Variants in UXS1 observed in about 807,000 individuals in gnomAD.
UXS1 encodes UDP-glucuronate decarboxylase 1.
In UXS1, 33 loss-of-function variants were observed where a neutral mutation model predicts 62.6. The observed-to-expected ratio is 0.53, with a 90% confidence interval of 0.40 to 0.70. The LOEUF (loss-of-function observed/expected upper bound fraction) is 0.70. Ranked by LOEUF, UXS1 falls within the 30% of genes least tolerant of loss-of-function variation. The pLI is 0.00. For missense variants in UXS1, 434 were observed against 556.3 expected (o/e 0.78, Z 2.21); for synonymous variants, 213 against 206.8 (o/e 1.03, Z -0.26).
At chr2:106,120,980 C>T (rs984416310) in intron 9 of UXS1, among the ~76,000 whole-genome samples, 1 of 152,212 alleles carries the variant, frequency 6.6e-6, no homozygotes, top group Non-Finnish European at 1.5e-5. Flanking sequence ...CAGGGCAACG[C>T]TGCCCACGCC....
chr2:106,192,979 A>G (rs1279392065), intron 1 of UXS1, among the ~76,000 whole-genome samples: 2 of 152,142 alleles, frequency 1.3e-5, no homozygotes, highest in Non-Finnish European at 2.9e-5. Context: ...AAGATTGACC[A>G]CACACACACT....
intron 1 of UXS1, among the ~76,000 whole-genome samples, chr2:106,174,715 C>A (rs866005229): frequency 4.9e-4 from 74 of 152,348 alleles, no homozygotes; most frequent in African/African-American, 1.7e-3. Context: ...GCCAGCATCA[C>A]TGCTGCTTAC....
intron 6 of UXS1, among the ~76,000 whole-genome samples, chr2:106,137,712 T>C (rs1680771980): frequency 6.6e-6 from 1 of 151,848 alleles, no homozygotes; most frequent in Admixed American, 6.6e-5. Flanking sequence ...GGAGAATCAC[T>C]TGAACCTGGG....
At chr2:106,105,636 T>C (rs891696409) in intron 10 of UXS1, among the ~76,000 whole-genome samples, 1 of 152,136 alleles carries the variant, frequency 6.6e-6, no homozygotes, top group African/African-American at 2.4e-5. Flanking sequence ...GAAGGACTGG[T>C]GTCCGAACCC....
Position 106,109,805 on chromosome 2 carries a change from C to T in UXS1, c.879+2841G>A, listed in dbSNP as rs530707641. On this transcript the variant is annotated intron_variant, in intron 10 of 14. Coordinates refer to ENST00000283148, the MANE Select transcript of UXS1 (RefSeq NM_001253875.2). ...GGCATGAGGAATCTGCTCAAAAACA[C>T]GGCTGCAAGGTAAGCAATCATACCC... Among the ~76,000 whole-genome samples, 11 of 152,276 alleles carry T rather than the reference C, an allele frequency of 7.2e-5. No individual in the cohort carries two copies. In the South Asian group the frequency reaches 2.1e-3, roughly 29 times the overall value.
At chr2:106,114,446 G>A (rs1678900605) in intron 9 of UXS1, among the ~76,000 whole-genome samples, 1 of 152,106 alleles carries the variant, frequency 6.6e-6, no homozygotes, top group African/African-American at 2.4e-5. Flanking sequence ...TGACTCAGAA[G>A]TACCCACTTG....
At chr2:106,096,955 A>T (rs1425472318) in intron 13 of UXS1, 134 bp from the exon 14 acceptor site, 7 of 899,298 alleles carry the variant, frequency 7.8e-6, no homozygotes, top group Non-Finnish European at 3.5e-6. Flanking sequence ...CAGTTCTCTG[A>T]GAAGCCCCGG....
intron 14 of UXS1, among the ~76,000 whole-genome samples, chr2:106,095,437 A>G (rs1028751179): frequency 2.0e-5 from 3 of 152,376 alleles, no homozygotes; most frequent in Middle Eastern, 3.4e-3. Flanking sequence ...AATAAGGATC[A>G]GGCTGGAACT....
intron 6 of UXS1, chr2:106,138,195 T>C: frequency 1.0e-6 from 1 of 985,500 alleles, no homozygotes; most frequent in Non-Finnish European, 1.2e-6. Flanking sequence ...CCTCGTCGTC[T>C]GCTCCAGTCC....
Position 106,112,764 on chromosome 2 carries a change from T to C in UXS1, c.761A>G (p.Glu254Gly). The C allele has an allele frequency of 1.2e-6, 2 of 1,613,414 alleles. No individual in the cohort carries two copies. Among genetic ancestry groups the C allele is most frequent in the Non-Finnish European group, 1.7e-6 (2 of 1,179,708 alleles). Residue 254 changes from glutamate to glycine, a missense_variant and splice_region_variant, in exon 10 of 15, where the codon GAA becomes GGA. Glu to Gly is a moderately conservative substitution (Grantham distance 98). Coordinates refer to ENST00000283148, the MANE Select transcript of UXS1 (RefSeq NM_001253875.2). ...ETMCYAYMKQ[E>G]GVEVRVARIF... ...TCTGGCCACTCGCACTTCCACGCCT[T>C]CCTGGAACAGAGAGAAGAGGAGGTC...
At chr2:106,190,743 CAAAAA>C (rs35043298) in intron 1 of UXS1, among the ~76,000 whole-genome samples, 2 of 124,888 alleles carry the variant, frequency 1.6e-5, no homozygotes, top group Admixed American at 8.5e-5. Flanking sequence ...AACTCTGTAT[CAAAAA>C]AAAAAAAAAA....
chr2:106,110,662 C>A (rs1473572829), intron 10 of UXS1, among the ~76,000 whole-genome samples: 2 of 152,114 alleles, frequency 1.3e-5, no homozygotes, highest in Non-Finnish European at 2.9e-5. Flanking sequence ...AGGAAAGCGG[C>A]CACTACAAAT....
At chr2:106,130,445 G>A (rs186681759) in intron 6 of UXS1, among the ~76,000 whole-genome samples, 40 of 152,308 alleles carry the variant, frequency 2.6e-4, no homozygotes, top group Admixed American at 2.5e-3. Context: ...TGGAATGGCA[G>A]CAACAGACAC....
At chr2:106,161,504 G>T (rs1283851588) in intron 4 of UXS1, among the ~76,000 whole-genome samples, 2 of 152,116 alleles carry the variant, frequency 1.3e-5, no homozygotes, top group Non-Finnish European at 2.9e-5. Context: ...AGGCACTGGG[G>T]GTTAAGCAGC....
rs1037853575 is a variant in UXS1, at chr2:106,128,585, C to T, written c.577+1089G>A. 3.3e-5 allele frequency among the ~76,000 whole-genome samples: 5 copies of T among 152,288 alleles called. No homozygotes were observed. In the East Asian group the frequency reaches 5.8e-4, roughly 18 times the overall value. On this transcript the variant is annotated intron_variant, in intron 7 of 14. Coordinates refer to ENST00000283148, the MANE Select transcript of UXS1 (RefSeq NM_001253875.2). ...CTTACACAGAACATCGATCTGCCCT[C>T]GGCTCTCTGGTTCTCAGGCCTTGGA...
intron 5 of UXS1, among the ~76,000 whole-genome samples, chr2:106,153,827 G>A (rs1404422005): frequency 6.6e-6 from 1 of 152,214 alleles, no homozygotes; most frequent in Non-Finnish European, 1.5e-5. Flanking sequence ...GTTATGGCAA[G>A]TGTTCAAAGA....
intron 12 of UXS1, among the ~76,000 whole-genome samples, chr2:106,100,510 CAG>C (rs962081073): frequency 3.9e-5 from 6 of 152,306 alleles, no homozygotes; most frequent in Admixed American, 2.6e-4. Flanking sequence ...TGTCCAAAGA[CAG>C]GGTGAATTTC....
chr2:106,121,593 T>C (rs1366172884), intron 9 of UXS1, among the ~76,000 whole-genome samples: 1 of 152,146 alleles, frequency 6.6e-6, no homozygotes, highest in East Asian at 1.9e-4. Flanking sequence ...TCTGAAACTT[T>C]TGAGTCAAGA....
At chr2:106,165,593 A>C (rs1418078131) in intron 2 of UXS1, among the ~76,000 whole-genome samples, 1 of 152,158 alleles carries the variant, frequency 6.6e-6, no homozygotes, top group Admixed American at 6.5e-5. Context: ...CCTATGAAGA[A>C]GCACACACGA....
Sources: gnomAD v4.1 joint callset for allele counts (sites outside exome capture counted in the v4.1 genomes callset) on GRCh38, gnomAD v4.1.1 for gene constraint, MANE v1.5 for transcripts, NCBI Gene and HGNC (gene_info 2026-07-23, HGNC 2026-07-21) for gene names.